TBCE: variants seen among roughly 807,000 people sequenced by gnomAD.
TBCE encodes tubulin folding cofactor E, also known as tubulin-specific chaperone E.
Under a neutral mutation model 77.0 loss-of-function variants are expected in TBCE, and 53 were observed. The ratio of observed to expected loss-of-function variants is 0.69; its 90% CI spans 0.55 to 0.87. The LOEUF (loss-of-function observed/expected upper bound fraction) is 0.87, where lower values mean the gene tolerates loss of function less well. TBCE is among the 40% of genes least tolerant of loss of function. The pLI is 0.00. For missense variants in TBCE, 624 were observed against 622.4 expected (o/e 1.00, Z -0.03); for synonymous variants, 235 against 241.3 (o/e 0.97, Z 0.24).
chr1:235,372,603 G>A (rs1677034886), intron 1 of TBCE, among the ~76,000 whole-genome samples: 1 of 151,956 alleles, frequency 6.6e-6, no homozygotes, highest in African/African-American at 2.4e-5. Context: ...GCAGCATAGA[G>A]AGATCCCTTC....
At chr1:235,446,258 C>T (rs1188585664) in intron 15 of TBCE, among the ~76,000 whole-genome samples, 3 of 152,032 alleles carry the variant, frequency 2.0e-5, no homozygotes, top group African/African-American at 7.3e-5. Flanking sequence ...TCACTGCAAA[C>T]TCTGCCTTCC....
At chr1:235,421,151 G>A (rs542237154) in intron 5 of TBCE, among the ~76,000 whole-genome samples, 2 of 152,314 alleles carry the variant, frequency 1.3e-5, no homozygotes, top group East Asian at 3.9e-4. Context: ...GCTCATGCTG[G>A]TAATCTCAGC....
Position 235,450,573 on chromosome 1 carries a change from G to GGAGA in TBCE, c.*1811_*1812insGAGA. On this transcript the variant is annotated 3_prime_UTR_variant, in exon 17 of 17. Coordinates refer to ENST00000642610, the MANE Select transcript of TBCE (RefSeq NM_003193.5). ...TACAGAAACAAGGCGGTGTGTGGAT[G>GGAGA]AAGAGTTAGTCAACAAATGCCATTC... The GGAGA allele has an allele frequency of 4.1e-6, 2 of 485,518 alleles. No individual in the cohort carries two copies. The highest frequency in any genetic ancestry group is 7.4e-6 in the Non-Finnish European group (2 of 268,886). 30.1% of individuals were successfully genotyped at this position (485,518 alleles called of 1,614,324 possible).
chr1:235,440,389 C>T (rs1438010800), intron 13 of TBCE, among the ~76,000 whole-genome samples: 3 of 151,586 alleles, frequency 2.0e-5, no homozygotes, highest in Non-Finnish European at 4.4e-5. Context: ...CTGAGGCATC[C>T]GTATATATAT....
In TBCE at chr1:235,405,520, T is replaced by C. The variant is rs1679371933; in HGVS notation, c.185+3933T>C. Among the ~76,000 whole-genome samples the C allele has an allele frequency of 2.0e-5, 3 of 151,338 alleles. No individual in the cohort carries two copies. The South Asian group carries it at 6.3e-4, about 32-fold the overall frequency. On this transcript the variant is annotated intron_variant, in intron 3 of 16. Transcript: ENST00000642610. The stretch of plus-strand genomic sequence containing the variant: ...GCATGGTGGCATGCACCTGTAATCC[T>C]AGCTACTGGGAAGGTTGAGGCATGA...
At chr1:235,420,112 G>T (rs1364491507) in intron 5 of TBCE, among the ~76,000 whole-genome samples, 1 of 152,104 alleles carries the variant, frequency 6.6e-6, no homozygotes, top group Admixed American at 6.6e-5. Flanking sequence ...ACACTTGTTT[G>T]GCCTCTGCCT....
At chr1:235,439,554 C>A (rs1422990565) in intron 13 of TBCE, among the ~76,000 whole-genome samples, 1 of 150,758 alleles carries the variant, frequency 6.6e-6, no homozygotes. Flanking sequence ...CTGGAGTGAT[C>A]TCAGCTCACT....
intron 2 of TBCE, 26 bp from the exon 3 acceptor site, chr1:235,401,477 T>A: frequency 6.3e-7 from 1 of 1,594,584 alleles, no homozygotes; most frequent in Non-Finnish European, 8.6e-7. Flanking sequence ...CATCTGTTAC[T>A]CATTTGGTTT....
intron 1 of TBCE, among the ~76,000 whole-genome samples, chr1:235,376,879 C>T (rs984848960): frequency 2.6e-5 from 4 of 151,896 alleles, no homozygotes; most frequent in African/African-American, 9.7e-5. Flanking sequence ...GAGGGTGAGG[C>T]GGAAGAATCG....
In TBCE at chr1:235,451,946, T is replaced by C. The variant is rs1682930936; in HGVS notation, c.*3184T>C. ...ATGATGTCTTATATTTCATGCAGTG[T>C]CTTATTTTTATCGGTCAGAAGGGTT... On this transcript the variant is annotated 3_prime_UTR_variant, in exon 17 of 17. Coordinates refer to ENST00000642610, the MANE Select transcript of TBCE (RefSeq NM_003193.5). 2 of 152,204 alleles carry C rather than the reference T, an allele frequency of 1.3e-5. No homozygotes were observed. The highest frequency in any genetic ancestry group is 2.9e-5 in the Non-Finnish European group (2 of 68,038). 9.4% of individuals were successfully genotyped at this position (152,204 alleles called of 1,614,324 possible). A position where few individuals can be genotyped will look rare whatever the true frequency, so the allele number is the denominator to read the frequency against.
At position 235,416,302 on chromosome 1, in the gene TBCE, T is replaced by C. The variant is rs559910807; in HGVS notation, c.371+1684T>C. On this transcript the variant is annotated intron_variant, in intron 4 of 16. Coordinates refer to ENST00000642610, the MANE Select transcript of TBCE (RefSeq NM_003193.5). ...GAGTTCTTTGCTTTATTTTTTCCCA[T>C]TTAAAATACAAATAGCCTGGGCAAC... 9.9e-5 allele frequency among the ~76,000 whole-genome samples: 15 copies of C among 151,966 alleles called. No homozygotes were observed. The South Asian group carries it at 2.9e-3, about 29-fold the overall frequency.
intron 9 of TBCE, 70 bp from the exon 10 acceptor site, chr1:235,436,316 C>A: frequency 1.4e-6 from 2 of 1,475,168 alleles, no homozygotes; most frequent in East Asian, 2.3e-5. Flanking sequence ...ATTTACAAAC[C>A]GAGTCTGGTT....
At chr1:235,428,233 A>C (rs1469047889) in intron 6 of TBCE, among the ~76,000 whole-genome samples, 1 of 152,034 alleles carries the variant, frequency 6.6e-6, no homozygotes, top group Non-Finnish European at 1.5e-5. Flanking sequence ...CTGAGGCAGG[A>C]GAATGGCATG....
At chr1:235,393,105 C>T (rs557579057) in intron 2 of TBCE, among the ~76,000 whole-genome samples, 3 of 152,276 alleles carry the variant, frequency 2.0e-5, no homozygotes, top group African/African-American at 7.2e-5. Context: ...ATTTTTATCC[C>T]ACCATTTCCT....
At chr1:235,437,555 T>A in intron 12 of TBCE, 81 bp downstream of exon 12, 1 of 1,536,204 alleles carries the variant, frequency 6.5e-7, no homozygotes, top group Non-Finnish European at 8.9e-7. Flanking sequence ...CTCACACCTG[T>A]AATCCCAGCA....
chr1:235,413,433 G>A (rs1046027546), intron 3 of TBCE, among the ~76,000 whole-genome samples: 7 of 151,890 alleles, frequency 4.6e-5, no homozygotes, highest in Admixed American at 1.3e-4. Context: ...AGGTCAAGGC[G>A]GGAGGATCAC....
At chr1:235,437,542 T>C in intron 12 of TBCE, 68 bp downstream of exon 12, 1 of 1,580,536 alleles carries the variant, frequency 6.3e-7, no homozygotes, top group Non-Finnish European at 8.6e-7. Context: ...CCAGGCGCCG[T>C]GGCTCACACC....
At chr1:235,426,260 AG>A (rs778773583) in intron 5 of TBCE, among the ~76,000 whole-genome samples, 8 of 152,038 alleles carry the variant, frequency 5.3e-5, no homozygotes, top group Non-Finnish European at 8.8e-5. Flanking sequence ...TTGCTTTTCC[AG>A]CCCCACTGTG....
chr1:235,406,432 A>C (rs1679431937), intron 3 of TBCE, among the ~76,000 whole-genome samples: 1 of 152,258 alleles, frequency 6.6e-6, no homozygotes, highest in Admixed American at 6.5e-5. Context: ...GTCTAAGTGT[A>C]ACATTTTATT....
Sources: allele counts gnomAD v4.1 joint callset (sites outside exome capture counted in the v4.1 genomes callset), GRCh38; gene constraint gnomAD v4.1.1; transcripts MANE v1.5; gene names NCBI Gene and HGNC (gene_info 2026-07-23, HGNC 2026-07-21).